PDE4D: variants seen among roughly 807,000 people sequenced by gnomAD.
The protein encoded by PDE4D is 3',5'-cyclic-AMP phosphodiesterase 4D.
In PDE4D, 24 loss-of-function variants were observed where a neutral mutation model predicts 87.4. That is an observed-to-expected ratio of 0.27 (90% CI 0.20 to 0.39). The LOEUF is 0.39. PDE4D is among the 10% of genes least tolerant of loss of function. PDE4D has a pLI of 1.00. For synonymous variants in PDE4D, 384 were observed against 383.2 expected (o/e 1.00, Z -0.02); for missense variants, 714 against 1,041.0 (o/e 0.69, Z 4.32).
intron 1 of PDE4D, among the ~76,000 whole-genome samples, chr5:60,256,525 T>A (rs1749070368): frequency 6.6e-6 from 1 of 151,920 alleles, no homozygotes; most frequent in African/African-American, 2.4e-5. Context: ...TTGAATCTCA[T>A]GAATGTTTTA....
intron 1 of PDE4D, chr5:60,521,697 G>A (rs2150267409): frequency 6.6e-6 from 1 of 152,204 alleles, no homozygotes; most frequent in Middle Eastern, 3.4e-3. Context: ...GAGGGGGAAG[G>A]GGAGAGGAGG....
chr5:59,906,853 A>G (rs1752877254), intron 3 of PDE4D, among the ~76,000 whole-genome samples: 2 of 152,152 alleles, frequency 1.3e-5, no homozygotes, highest in South Asian at 2.1e-4. Context: ...CAGAACTACC[A>G]TTCAACCTAG....
chr5:59,002,951 AAAG>A (rs1234631909), intron 6 of PDE4D, among the ~76,000 whole-genome samples: 4 of 152,230 alleles, frequency 2.6e-5, no homozygotes, highest in African/African-American at 9.6e-5. Context: ...ATCAGACAGT[AAAG>A]ATGACAGTGA....
At chr5:60,149,942 T>C (rs1781354714) in intron 2 of PDE4D, among the ~76,000 whole-genome samples, 1 of 147,276 alleles carries the variant, frequency 6.8e-6, no homozygotes, top group South Asian at 2.1e-4. Context: ...ATACATATGT[T>C]ATATATAGTA....
intron 1 of PDE4D, among the ~76,000 whole-genome samples, chr5:59,393,687 T>C (rs1380112011): frequency 2.6e-4 from 39 of 152,200 alleles, no homozygotes; most frequent in Non-Finnish European, 4.4e-5. Context: ...AAAAAGAAAG[T>C]AGTTTGATCT....
intron 3 of PDE4D, among the ~76,000 whole-genome samples, chr5:59,953,357 ATT>A (rs771396587): frequency 6.7e-6 from 1 of 149,968 alleles, no homozygotes; most frequent in African/African-American, 2.4e-5. Flanking sequence ...ATTGTCTAGA[ATT>A]TTTTTTTTGT....
rs76166426 is a variant in PDE4D at position 59,952,380 on chromosome 5, C to T, written c.272+36108G>A. On this transcript the variant is annotated intron_variant, in intron 3 of 16. Transcript: ENST00000502484. ...TTCTCACCCCATCCAACCCTGCTCCCTCTTTCTCGTCACTTCAAGCTCTAA... is the reference window on the plus strand; with the variant it reads ...TTCTCACCCCATCCAACCCTGCTCCTTCTTTCTCGTCACTTCAAGCTCTAA... 7.3e-3 allele frequency among the ~76,000 whole-genome samples: 1,107 copies of T among 152,292 alleles called. 9 individuals are homozygous for T. The highest frequency in any genetic ancestry group is 0.011 in the Non-Finnish European group (741 of 68,018).
At chr5:60,485,495 C>T (rs1749067421) in intron 1 of PDE4D, among the ~76,000 whole-genome samples, 1 of 152,018 alleles carries the variant, frequency 6.6e-6, no homozygotes, top group Non-Finnish European at 1.5e-5. Context: ...TGTTAATAGT[C>T]TCCAAATGCC....
chr5:60,516,212 G>T (rs1210008493), intron 1 of PDE4D, among the ~76,000 whole-genome samples: 1 of 152,226 alleles, frequency 6.6e-6, no homozygotes, highest in Non-Finnish European at 1.5e-5. Flanking sequence ...GAGTTAACTT[G>T]AGAAAAATAT....
intron 1 of PDE4D, chr5:60,459,969 A>G: frequency 2.5e-6 from 2 of 785,970 alleles, no homozygotes; most frequent in South Asian, 1.4e-5. Context: ...CATCATCATC[A>G]TCATCTTCTT....
In PDE4D at chr5:59,398,962, G is replaced by C. The variant is rs71626177; in HGVS notation, c.456-182994C>G. Among the ~76,000 whole-genome samples the C allele has an allele frequency of 1.4e-4, 16 of 116,656 alleles. 1 individual carries two copies. In the South Asian group the frequency reaches 2.9e-3, roughly 22 times the overall value. The allele number at this position is 116,656 out of a possible 152,430, so 76.5% of individuals were successfully genotyped here. Reference sequence around the variant, plus strand: ...ACAGACAAACAGAGAGCCAAATCATGAGTGAACTCCCATTCACAATTGCTT... The same window carrying C: ...ACAGACAAACAGAGAGCCAAATCATCAGTGAACTCCCATTCACAATTGCTT... On this transcript the variant is annotated intron_variant, in intron 1 of 14. Transcript: ENST00000340635.
intron 1 of PDE4D, among the ~76,000 whole-genome samples, chr5:59,671,550 G>A (rs1180627546): frequency 6.6e-6 from 1 of 152,104 alleles, no homozygotes; most frequent in Non-Finnish European, 1.5e-5. Context: ...ACTCACACCT[G>A]TAATCCCAAC....
chr5:60,449,882 A>G (rs1211180563), intron 1 of PDE4D, among the ~76,000 whole-genome samples: 1 of 147,820 alleles, frequency 6.8e-6, no homozygotes, highest in Non-Finnish European at 1.5e-5. Flanking sequence ...TTAAAGTATG[A>G]TAATAATAAA....
intron 2 of PDE4D, among the ~76,000 whole-genome samples, chr5:60,009,802 T>C (rs921204475): frequency 6.6e-6 from 1 of 152,144 alleles, no homozygotes; most frequent in Non-Finnish European, 1.5e-5. Flanking sequence ...TAAAACTGTT[T>C]AAGCTGATTT....
At chr5:59,144,105 G>A (rs1778284514) in intron 5 of PDE4D, among the ~76,000 whole-genome samples, 1 of 152,150 alleles carries the variant, frequency 6.6e-6, no homozygotes, top group Non-Finnish European at 1.5e-5. Flanking sequence ...GGCTTATAAA[G>A]GAGCAACATC....
At chr5:60,134,688 T>C (rs1007492917) in intron 2 of PDE4D, among the ~76,000 whole-genome samples, 1 of 152,220 alleles carries the variant, frequency 6.6e-6, no homozygotes, top group African/African-American at 2.4e-5. Flanking sequence ...CATCTCTAGA[T>C]TTGTTGTAAT....
chr5:60,222,591 A>G (rs1055018917), intron 1 of PDE4D, among the ~76,000 whole-genome samples: 1 of 152,174 alleles, frequency 6.6e-6, no homozygotes, highest in Non-Finnish European at 1.5e-5. Flanking sequence ...TGGGTATGCC[A>G]TTTCCATTAC....
intron 1 of PDE4D, among the ~76,000 whole-genome samples, chr5:59,235,184 A>G (rs1756124378): frequency 6.6e-6 from 1 of 152,160 alleles, no homozygotes; most frequent in African/African-American, 2.4e-5. Context: ...CCTTCAGACC[A>G]CATGAAAAAA....
chr5:60,304,871 A>G (rs1205650605), intron 1 of PDE4D, among the ~76,000 whole-genome samples: 2 of 152,020 alleles, frequency 1.3e-5, no homozygotes, highest in East Asian at 3.8e-4. Flanking sequence ...TAAACCCAAC[A>G]ATATTCATTA....
Sources: gnomAD v4.1 joint callset for allele counts (sites outside exome capture counted in the v4.1 genomes callset) on GRCh38, gnomAD v4.1.1 for gene constraint, MANE v1.5 for transcripts, NCBI Gene and HGNC (gene_info 2026-07-23, HGNC 2026-07-21) for gene names.